The following HFM1 variants were observed in gnomAD, a reference collection of about 807,000 sequenced individuals.
The protein encoded by HFM1 is helicase for meiosis 1, also known as probable ATP-dependent DNA helicase HFM1.
Under a neutral mutation model 192.1 loss-of-function variants are expected in HFM1, and 169 were observed. That is an observed-to-expected ratio of 0.88 (90% CI 0.78 to 1.00). HFM1 has a LOEUF of 1.00. Ranked by LOEUF, HFM1 falls within the 50% of genes least tolerant of loss-of-function variation. The pLI, the probability that HFM1 is intolerant of heterozygous loss-of-function variation, is 0.00. For synonymous variants in HFM1, 525 were observed against 537.8 expected (o/e 0.98, Z 0.33); for missense variants, 1,661 against 1,668.0 (o/e 1.00, Z 0.07).
At chr1:91,296,015 G>T (rs923695227) in intron 30 of HFM1, among the ~76,000 whole-genome samples, 4 of 151,912 alleles carry the variant, frequency 2.6e-5, no homozygotes, top group Non-Finnish European at 5.9e-5. Context: ...TGCAAGCTCT[G>T]CCTCCCAGGT....
chr1:91,364,695 C>T (rs553184505), intron 13 of HFM1, among the ~76,000 whole-genome samples: 10 of 138,974 alleles, frequency 7.2e-5, no homozygotes, highest in African/African-American at 1.9e-4. Flanking sequence ...TGCAGTGGCA[C>T]GATCTCAGCT....
At chr1:91,277,906 T>TAC (rs1207507928) in intron 30 of HFM1, among the ~76,000 whole-genome samples, 2 of 134,710 alleles carry the variant, frequency 1.5e-5, no homozygotes, top group Admixed American at 8.4e-5. Context: ...TGCTTATATA[T>TAC]AATATATACA....
rs571971723 is a variant in HFM1, at chr1:91,396,650, C to T, written c.72-245G>A. Among the ~76,000 whole-genome samples the T allele has an allele frequency of 3.3e-5, 5 of 152,322 alleles. No homozygotes were observed. In the South Asian group the frequency reaches 1.0e-3, roughly 32 times the overall value. On this transcript the variant is annotated intron_variant, in intron 2 of 38. Transcript: ENST00000370425. The stretch of plus-strand genomic sequence containing the variant: ...TGGCAATAACTCTATCTCCTTTTCT[C>T]CAATTCAAATGCCAGTAACAGGAAT...
Position 91,313,335 on chromosome 1 carries a change from A to T in HFM1, c.3391+14T>A, listed in dbSNP as rs757924935. 1.3e-6 allele frequency: 2 copies of T among 1,489,890 alleles called. No individual in the cohort carries two copies. Among genetic ancestry groups the T allele is most frequent in the Middle Eastern group, 1.8e-4 (1 of 5,578 alleles). The allele number at this position is 1,489,890 out of a possible 1,614,324, so 92.3% of individuals were successfully genotyped here. A position where few individuals can be genotyped will look rare whatever the true frequency, so the allele number is the denominator to read the frequency against. Reference sequence around the variant, plus strand: ...TTGCTTTAATATAAAATAGGAATTAATACAGCTATTTACCTTTATTAGGTC... The same window carrying T: ...TTGCTTTAATATAAAATAGGAATTATTACAGCTATTTACCTTTATTAGGTC... On this transcript the variant is annotated intron_variant, in intron 30 of 38. Coordinates refer to ENST00000370425, the MANE Select transcript of HFM1 (RefSeq NM_001017975.6).
intron 13 of HFM1, among the ~76,000 whole-genome samples, chr1:91,363,450 C>G (rs1658798335): frequency 6.7e-6 from 1 of 149,998 alleles, no homozygotes; most frequent in Non-Finnish European, 1.5e-5. Flanking sequence ...CATCACTGAT[C>G]ATTAGAGAAA....
At chr1:91,380,716 T>G (rs1331857750) in intron 7 of HFM1, among the ~76,000 whole-genome samples, 196 bp downstream of exon 7, 1 of 152,168 alleles carries the variant, frequency 6.6e-6, no homozygotes, top group Non-Finnish European at 1.5e-5. Context: ...ATTTCACCAC[T>G]GCACTCAAAT....
intron 13 of HFM1, among the ~76,000 whole-genome samples, chr1:91,368,832 G>T (rs539290562): frequency 2.0e-5 from 3 of 152,146 alleles, no homozygotes; most frequent in African/African-American, 7.2e-5. Context: ...AGACCCATCA[G>T]TGTGCTGTAT....
At chr1:91,336,867 G>A (rs754343700) in intron 20 of HFM1, among the ~76,000 whole-genome samples, 17 of 152,140 alleles carry the variant, frequency 1.1e-4, no homozygotes, top group Non-Finnish European at 1.8e-4. Flanking sequence ...TAAAGAAAAC[G>A]TGGTACACAT....
intron 33 of HFM1, 88 bp downstream of exon 33, chr1:91,274,642 T>G: frequency 1.6e-6 from 1 of 610,310 alleles, no homozygotes; most frequent in Non-Finnish European, 2.9e-6. Flanking sequence ...TGGTAGCCAG[T>G]GACTATCTTT....
chr1:91,368,232 A>C (rs1426254290), intron 13 of HFM1, among the ~76,000 whole-genome samples: 1 of 152,224 alleles, frequency 6.6e-6, no homozygotes, highest in Non-Finnish European at 1.5e-5. Flanking sequence ...ATTCAAATTT[A>C]GGAAATACAG....
chr1:91,338,549 C>T (rs574320170), intron 20 of HFM1, among the ~76,000 whole-genome samples: 20 of 152,256 alleles, frequency 1.3e-4, no homozygotes, highest in African/African-American at 4.6e-4. Flanking sequence ...TGGACCCTGC[C>T]GATGTGCACC....
At chr1:91,297,075 A>G (rs1647729022) in intron 30 of HFM1, among the ~76,000 whole-genome samples, 1 of 152,162 alleles carries the variant, frequency 6.6e-6, no homozygotes, top group Non-Finnish European at 1.5e-5. Context: ...CACCTGGAAA[A>G]TCGGGTCACT....
intron 19 of HFM1, among the ~76,000 whole-genome samples, chr1:91,344,507 A>G (rs79857757): frequency 0.059 from 9,031 of 152,264 alleles, 364 homozygotes; most frequent in Admixed American, 0.11. Flanking sequence ...TAAGCTGAGC[A>G]TGATTCTAAG....
At chr1:91,353,357 A>G in intron 13 of HFM1, 58 bp from the exon 14 acceptor site, 1 of 985,508 alleles carries the variant, frequency 1.0e-6, no homozygotes, top group East Asian at 2.5e-5. Context: ...GAGAACTCTG[A>G]AACAGTTTAT....
chr1:91,406,992 C>G (rs1336627395), upstream of HFM1, among the ~76,000 whole-genome samples: 6 of 152,168 alleles, frequency 3.9e-5, no homozygotes, highest in South Asian at 1.0e-3. Flanking sequence ...GCACCCAGCT[C>G]CCACTAGAAG....
At chr1:91,329,440 G>A (rs1653470982) in intron 20 of HFM1, 64 of 1,570,594 alleles carry the variant, frequency 4.1e-5, no homozygotes, top group Non-Finnish European at 5.3e-5. Context: ...TCAGCTAAGT[G>A]CAAGGAGCCA....
intron 18 of HFM1, 85 bp downstream of exon 18, chr1:91,350,653 T>C: frequency 1.6e-6 from 2 of 1,246,074 alleles, no homozygotes; most frequent in Non-Finnish European, 2.3e-6. Flanking sequence ...GTTTCTGTAA[T>C]CTATCTATCC....
intron 4 of HFM1, among the ~76,000 whole-genome samples, chr1:91,387,332 T>C (rs1359258385): frequency 6.6e-6 from 1 of 152,032 alleles, no homozygotes; most frequent in Non-Finnish European, 1.5e-5. Context: ...GACGTCGCTA[T>C]GAACGCTTGG....
At chr1:91,391,444 A>G (rs1027097998) in intron 4 of HFM1, among the ~76,000 whole-genome samples, 3 of 152,210 alleles carry the variant, frequency 2.0e-5, no homozygotes, top group African/African-American at 7.2e-5. Flanking sequence ...CAGAAATAAT[A>G]TCACACATCT....
Sources: allele counts gnomAD v4.1 joint callset (sites outside exome capture counted in the v4.1 genomes callset), GRCh38; gene constraint gnomAD v4.1.1; transcripts MANE v1.5; gene names NCBI Gene and HGNC (gene_info 2026-07-23, HGNC 2026-07-21).